Variants in KDM1B observed in about 807,000 individuals in gnomAD.
The protein encoded by KDM1B is lysine-specific histone demethylase 2.
Under a neutral mutation model 107.4 loss-of-function variants are expected in KDM1B, and 63 were observed. The observed-to-expected ratio is 0.59, with a 90% CI of 0.48 to 0.72. The LOEUF (loss-of-function observed/expected upper bound fraction) is 0.72. Among genes scored for constraint, KDM1B ranks in the 30% least tolerant of loss-of-function variants. The pLI is 0.00. For missense variants in KDM1B, 749 were observed against 1,020.8 expected, an observed-to-expected ratio of 0.73 and a Z score of 3.63; for synonymous variants, 363 against 363.9, an observed-to-expected ratio of 1.00 and a Z score of 0.03.
intron 10 of KDM1B, among the ~76,000 whole-genome samples, chr6:18,192,756 A>G (rs1359233932): frequency 6.6e-6 from 1 of 150,578 alleles, no homozygotes; most frequent in Non-Finnish European, 1.5e-5. Context: ...AAAAAATACA[A>G]CAGAGAAACA....
chr6:18,188,044 T>G, intron 9 of KDM1B, 42 bp downstream of exon 9: 1 of 1,504,734 alleles, frequency 6.6e-7, no homozygotes, highest in Non-Finnish European at 9.0e-7. Flanking sequence ...TATTCCCCGC[T>G]CCCCTCCCTG....
chr6:18,177,828 T>C (rs1212812921), intron 7 of KDM1B, among the ~76,000 whole-genome samples: 1 of 152,178 alleles, frequency 6.6e-6, no homozygotes, highest in Admixed American at 6.5e-5. Flanking sequence ...CTCATTGTTA[T>C]GTATTGGCTG....
rs1409094919 is a variant in KDM1B at position 18,214,623 on chromosome 6, C to T, written c.2110-384C>T. On this transcript the variant is annotated intron_variant, in intron 19 of 21. Transcript: ENST00000650836. This position sits in a 1 kb window ranked among gnomAD's most constrained non-coding sequence, Gnocchi z 4.4. ...TGACATTTAACTTGTGAGAGTGAGG[C>T]TCTTGGCCGGGTACAGTGGCTCACG... 1.3e-5 allele frequency among the ~76,000 whole-genome samples: 2 copies of T among 152,070 alleles called. No individual in the cohort carries two copies.
At chr6:18,164,194 C>G (rs1170622314) in intron 5 of KDM1B, among the ~76,000 whole-genome samples, 1 of 152,004 alleles carries the variant, frequency 6.6e-6, no homozygotes, top group Non-Finnish European at 1.5e-5. Context: ...GTGGTGCGAT[C>G]TGGACTCACT....
rs566320184 is a variant in KDM1B, at chr6:18,205,760, G to T, written c.1659+96G>T. 2,738 of 1,172,134 alleles carry T rather than the reference G, an allele frequency of 2.3e-3. 7 individuals are homozygous for T. Among genetic ancestry groups the T allele is most frequent in the Non-Finnish European group, 2.8e-3 (2,536 of 892,640 alleles). 72.6% of individuals were successfully genotyped at this position (1,172,134 alleles called of 1,614,324 possible). On this transcript the variant is annotated intron_variant, in intron 15 of 21. Coordinates refer to ENST00000650836, the MANE Select transcript of KDM1B (RefSeq NM_001364614.2). The surrounding 1 kb of genome is among the most constrained non-coding windows in gnomAD (Gnocchi z 5.7). ...TGTAATCCCAGCACTTTGGGAGGCC[G>T]AGGTGGGCAGATCATGAGGTCAGGA...
At chr6:18,180,680 G>A (rs964306496) in intron 7 of KDM1B, among the ~76,000 whole-genome samples, 4 of 152,104 alleles carry the variant, frequency 2.6e-5, no homozygotes, top group South Asian at 2.1e-4. Flanking sequence ...ATTCTCCCAC[G>A]TCAGCCTCCC....
At chr6:18,208,069 G>A (rs1007154674) in intron 16 of KDM1B, 63 bp from the exon 17 acceptor site, 28 of 1,195,492 alleles carry the variant, frequency 2.3e-5, no homozygotes, top group Non-Finnish European at 2.9e-5. Context: ...TATGAGAATC[G>A]GAAAGGATCC....
At chr6:18,220,088 A>G (rs1378929575) in intron 21 of KDM1B, among the ~76,000 whole-genome samples, 3 of 152,282 alleles carry the variant, frequency 2.0e-5, no homozygotes, top group African/African-American at 7.2e-5. Flanking sequence ...AGATTTTCTA[A>G]GGATTCTCTG....
chr6:18,166,931 T>A (rs1785336586), intron 6 of KDM1B, among the ~76,000 whole-genome samples: 1 of 152,112 alleles, frequency 6.6e-6, no homozygotes. Context: ...CTGAGCTTGG[T>A]ACATAGCTTT....
chr6:18,201,756 C>T lies in KDM1B; in HGVS notation c.1531+99C>T. Reference sequence around the variant, plus strand: ...GTTCATTTGCGAGGTCGGATGTCGGCAACAGGGTAGCCCTCCTGAGCATTT... The same window carrying T: ...GTTCATTTGCGAGGTCGGATGTCGGTAACAGGGTAGCCCTCCTGAGCATTT... On this transcript the variant is annotated intron_variant, in intron 14 of 21. Coordinates refer to ENST00000650836, the MANE Select transcript of KDM1B (RefSeq NM_001364614.2). The surrounding 1 kb of genome is among the most constrained non-coding windows in gnomAD (Gnocchi z 4.3). The T allele has an allele frequency of 9.9e-7, 1 of 1,012,952 alleles. No homozygotes were observed. Among genetic ancestry groups the T allele is most frequent in the East Asian group, 2.6e-5 (1 of 38,020 alleles). 62.7% of individuals were successfully genotyped at this position (1,012,952 alleles called of 1,614,324 possible). A position where few individuals can be genotyped will look rare whatever the true frequency, so the allele number is the denominator to read the frequency against.
At position 18,205,721 on chromosome 6, in the gene KDM1B, C is replaced by T; in HGVS notation, c.1659+57C>T. The T allele has an allele frequency of 1.1e-5, 16 of 1,429,930 alleles. No individual in the cohort carries two copies. In the South Asian group the frequency reaches 2.4e-4, roughly 21 times the overall value. The allele number at this position is 1,429,930 out of a possible 1,614,324, so 88.6% of individuals were successfully genotyped here. On this transcript the variant is annotated intron_variant, in intron 15 of 21. Transcript: ENST00000650836. This position sits in a 1 kb window ranked among gnomAD's most constrained non-coding sequence, Gnocchi z 5.7. Reference sequence around the variant, plus strand: ...GAAAATACTTGGTTTAGGCCGGGCGCAGTGGCTCACGCCTGTAATCCCAGC... The same window carrying T: ...GAAAATACTTGGTTTAGGCCGGGCGTAGTGGCTCACGCCTGTAATCCCAGC...
rs1787182246 is a variant in KDM1B at position 18,190,207 on chromosome 6, G to A, written c.785-990G>A. 2.6e-5 allele frequency among the ~76,000 whole-genome samples: 4 copies of A among 151,990 alleles called. No homozygotes were observed. In the South Asian group the frequency reaches 8.3e-4, roughly 31 times the overall value. ...CTCCATGAGGAGTGGGCATTCAGTG[G>A]ATATAGAATTTGTCTTACAAGATGA... On this transcript the variant is annotated intron_variant, in intron 9 of 21. Transcript: ENST00000650836.
chr6:18,167,771 A>C (rs376288856), intron 6 of KDM1B, among the ~76,000 whole-genome samples: 1 of 150,642 alleles, frequency 6.6e-6, no homozygotes, highest in South Asian at 2.1e-4. Flanking sequence ...ACAATGCCCA[A>C]TTTTTTTTTA....
At position 18,222,021 on chromosome 6, in the gene KDM1B, A is replaced by G. The variant is rs748030040; in HGVS notation, c.*29A>G. ...TTCGGTGGACCCAGCTTTCTTCTGT[A>G]CCCCAGATGGGGAAATTTGAATCAC... On this transcript the variant is annotated 3_prime_UTR_variant, in exon 22 of 22. Coordinates refer to ENST00000650836, the MANE Select transcript of KDM1B (RefSeq NM_001364614.2). 3.1e-5 allele frequency: 49 copies of G among 1,596,792 alleles called. No homozygotes were observed. The highest frequency in any genetic ancestry group is 4.2e-5 in the Non-Finnish European group (49 of 1,164,388).
intron 2 of KDM1B, among the ~76,000 whole-genome samples, chr6:18,158,115 G>A (rs990397917): frequency 2.6e-5 from 4 of 151,920 alleles, no homozygotes; most frequent in Non-Finnish European, 2.9e-5. Context: ...GCTGGCCGGT[G>A]GATAGTACTT....
At chr6:18,178,744 A>G (rs1389354579) in intron 7 of KDM1B, among the ~76,000 whole-genome samples, 1 of 152,248 alleles carries the variant, frequency 6.6e-6, no homozygotes, top group Non-Finnish European at 1.5e-5. Context: ...GCAACTATAT[A>G]GAAACACAAT....
chr6:18,208,369 T>C (rs901403028), intron 17 of KDM1B, among the ~76,000 whole-genome samples, 163 bp downstream of exon 17: 2 of 151,798 alleles, frequency 1.3e-5, no homozygotes, highest in Non-Finnish European at 2.9e-5. Context: ...TATGTAGATA[T>C]GCAAAGCTGA....
chr6:18,158,850 AT>A (rs1784793838), intron 2 of KDM1B, among the ~76,000 whole-genome samples: 1 of 152,076 alleles, frequency 6.6e-6, no homozygotes, highest in South Asian at 2.1e-4. Context: ...AGTTTGGGAA[AT>A]TTTTTCCAGT....
rs1333259121 is a variant in KDM1B at position 18,195,696 on chromosome 6, C to T, written c.970-1361C>T. On this transcript the variant is annotated intron_variant, in intron 10 of 21. Coordinates refer to ENST00000650836, the MANE Select transcript of KDM1B (RefSeq NM_001364614.2). ...GTTGCAGTGAGCCGAGATTGTGCCA[C>T]TGCACTCCAGCCTGGTGACAGAGTG... Among the ~76,000 whole-genome samples the T allele has an allele frequency of 2.0e-5, 3 of 147,160 alleles. No homozygotes were observed. In the Admixed American group the frequency reaches 2.1e-4, roughly 10 times the overall value.
Sources: gnomAD v4.1 joint callset for allele counts (sites outside exome capture counted in the v4.1 genomes callset) on GRCh38, gnomAD v4.1.1 for gene constraint, Gnocchi (gnomAD v3.1) non-coding constraint, MANE v1.5 for transcripts, NCBI Gene and HGNC (gene_info 2026-07-23, HGNC 2026-07-21) for gene names.